The following ZNF800 variants were observed in gnomAD, a reference collection of about 807,000 sequenced individuals.
ZNF800 encodes zinc finger protein 800.
ZNF800 carries 13 observed loss-of-function variants against 59.5 expected under a neutral mutation model. That is an observed-to-expected ratio of 0.22 (90% confidence interval 0.14 to 0.35). The LOEUF is 0.35. Among genes scored for constraint, ZNF800 ranks in the 10% least tolerant of loss-of-function variants. ZNF800 has a pLI of 1.00. For missense variants in ZNF800, 621 were observed against 783.7 expected (o/e 0.79, Z 2.48); for synonymous variants, 266 against 265.7 (o/e 1.00, Z -0.01).
rs1318575722 is a variant in ZNF800 at position 127,392,395 on chromosome 7, G to A, written c.-394C>T. 3 of 380,306 alleles carry A rather than the reference G, an allele frequency of 7.9e-6. No individual in the cohort carries two copies. The East Asian group carries it at 1.1e-4, about 14-fold the overall frequency. 23.6% of individuals were successfully genotyped at this position (380,306 alleles called of 1,614,324 possible). A position where few individuals can be genotyped will look rare whatever the true frequency, so the allele number is the denominator to read the frequency against. ...GGCAGCAGCTGCCGCCGCCACCACC[G>A]AAGGAGCCGGAACCGGAGCGGGCAG... On this transcript the variant is annotated 5_prime_UTR_variant, in exon 1 of 6. Coordinates refer to ENST00000265827, the MANE Select transcript of ZNF800 (RefSeq NM_176814.5).
chr7:127,351,188 C>G (rs948567086), intron 1 of ZNF800, among the ~76,000 whole-genome samples: 54 of 152,326 alleles, frequency 3.5e-4, no homozygotes, highest in African/African-American at 1.2e-3. Flanking sequence ...ATTCTGCACT[C>G]CCCTTACACT....
intron 1 of ZNF800, among the ~76,000 whole-genome samples, chr7:127,353,598 TA>T (rs1800212256): frequency 6.6e-6 from 1 of 152,178 alleles, no homozygotes; most frequent in Non-Finnish European, 1.5e-5. Context: ...AAGTAAATAA[TA>T]CATTGAGAAG....
Position 127,374,083 on chromosome 7 carries a change from G to C in ZNF800, c.1253C>G (p.Ser418Cys). ...VKVEPADSVE[S>C]SPPSITHSPQ... ...AGAATGGGTAATGGAAGGGGGTGAAGATTCTACAGAATCTGCTGGTTCAAC... is the reference window on the plus strand; with the variant it reads ...AGAATGGGTAATGGAAGGGGGTGAACATTCTACAGAATCTGCTGGTTCAAC... The change falls in exon 5 of 6, where the codon TCT becomes TGT. Residue 418 changes from serine to cysteine, a missense_variant. By Grantham distance (112) the Ser-to-Cys change is moderately radical (BLOSUM62 -1). Coordinates refer to ENST00000265827, the MANE Select transcript of ZNF800 (RefSeq NM_176814.5). The C allele has an allele frequency of 1.2e-6, 2 of 1,614,090 alleles. No homozygotes were observed. The highest frequency in any genetic ancestry group is 1.7e-6 in the Non-Finnish European group (2 of 1,180,012).
intron 2 of ZNF800, among the ~76,000 whole-genome samples, chr7:127,391,294 T>C (rs1801304393): frequency 6.6e-6 from 1 of 152,214 alleles, no homozygotes; most frequent in Non-Finnish European, 1.5e-5. Flanking sequence ...AAGGTGACAC[T>C]TGCAGTACTT....
At chr7:127,357,826 T>TTATA (rs1800304718) in intron 1 of ZNF800, among the ~76,000 whole-genome samples, 1 of 151,892 alleles carries the variant, frequency 6.6e-6, no homozygotes, top group Non-Finnish European at 1.5e-5. Flanking sequence ...ATTACATATT[T>TTATA]TATATGGGGG....
intron 1 of ZNF800, among the ~76,000 whole-genome samples, chr7:127,357,023 A>G (rs1800285274): frequency 6.6e-6 from 1 of 152,024 alleles, no homozygotes; most frequent in Non-Finnish European, 1.5e-5. Context: ...TGGTATACAG[A>G]CCTATGCTTT....
intron 3 of ZNF800, among the ~76,000 whole-genome samples, chr7:127,382,046 T>C (rs1800991350): frequency 6.6e-6 from 1 of 152,294 alleles, no homozygotes; most frequent in Admixed American, 6.5e-5. Flanking sequence ...TACAATTTAT[T>C]CCTCCCTAAG....
At chr7:127,389,127 G>A (rs186672927) in intron 2 of ZNF800, among the ~76,000 whole-genome samples, 8 of 152,174 alleles carry the variant, frequency 5.3e-5, no homozygotes, top group Admixed American at 3.9e-4. Flanking sequence ...TATTTATGAC[G>A]TATGGGACTT....
At chr7:127,373,058 TACA>T (rs1800676137) in intron 5 of ZNF800, 2 of 985,284 alleles carry the variant, frequency 2.0e-6, no homozygotes, top group Non-Finnish European at 2.4e-6. Flanking sequence ...GTATATATTT[TACA>T]ACATTAAAAG....
In ZNF800 at chr7:127,370,390, A is replaced by T. The variant is rs188131630; in HGVS notation, c.*1424T>A. 3.3e-5 allele frequency: 5 copies of T among 152,708 alleles called. No homozygotes were observed. The highest frequency in any genetic ancestry group is 2.6e-4 in the Admixed American group (4 of 15,278). The allele number at this position is 152,708 out of a possible 1,614,324, so 9.5% of individuals were successfully genotyped here. A position where few individuals can be genotyped will look rare whatever the true frequency, so the allele number is the denominator to read the frequency against. ...TTCGATTCTGGTTTATTTCCATCAC[A>T]TATAGTACATTTTTCCAACAAGAGC... is the stretch of plus-strand genomic sequence containing the variant. On this transcript the variant is annotated 3_prime_UTR_variant, in exon 6 of 6. Transcript: ENST00000265827.
Position 127,374,176 on chromosome 7 carries a change from G to GA in ZNF800, c.1159dup (p.Ser387PhefsTer6), listed in dbSNP as rs1289590016. ...TTTTTCTCTTTTAGAGTTTGTTCCA[G>GA]AAAGAGTTATCTTGTGGACAATTTG... On this transcript the variant is annotated frameshift_variant, in exon 5 of 6. Coordinates refer to ENST00000265827, the MANE Select transcript of ZNF800 (RefSeq NM_176814.5). LOFTEE classifies it high-confidence loss of function. 1 of 1,613,782 alleles carries GA rather than the reference G, an allele frequency of 6.2e-7. No individual in the cohort carries two copies. The highest frequency in any genetic ancestry group is 8.5e-7 in the Non-Finnish European group (1 of 1,179,968).
At chr7:127,386,275 C>T (rs535427630) in intron 2 of ZNF800, 120 bp from the exon 3 acceptor site, 30 of 564,444 alleles carry the variant, frequency 5.3e-5, no homozygotes, top group South Asian at 1.2e-4. Flanking sequence ...CACTTGTGCC[C>T]GCACACACAC....
At chr7:127,346,222 A>C (rs6959255), downstream of ZNF800, among the ~76,000 whole-genome samples, 1,941 of 152,298 alleles carry the variant, frequency 0.013, 39 homozygotes, top group African/African-American at 0.043. Flanking sequence ...ATGTGAAGTA[A>C]ACAGGGAGGA....
rs758608925 is a variant in ZNF800 at position 127,373,590 on chromosome 7, T to C, written c.1746A>G (p.Ala582=). The C allele has an allele frequency of 6.2e-7, 1 of 1,614,166 alleles. No individual in the cohort carries two copies. Among genetic ancestry groups the C allele is most frequent in the Non-Finnish European group, 8.5e-7 (1 of 1,180,016 alleles). The part of the protein sequence containing the change: ...VAKRGPSRDE[A]KHSDSKHDGT... ...CATCATGTTTTGAATCACTATGTTT[T>C]GCTTCATCCCTCGAAGGGCCTCTTT... Residue 582 remains alanine, a synonymous_variant, in exon 5 of 6, where the codon GCA becomes GCG. Coordinates refer to ENST00000265827, the MANE Select transcript of ZNF800 (RefSeq NM_176814.5).
rs577977623 is a variant in ZNF800, at chr7:127,384,227, C to CTTTTTTTTTT, written c.157+1823_157+1832dup. ...CTTATGACTTAACTAATTCTAACTT[C>CTTTTTTTTTT]TTTTTTTTTTTTTTTTTTTTTTTTT... On this transcript the variant is annotated intron_variant, in intron 3 of 5. Coordinates refer to ENST00000265827, the MANE Select transcript of ZNF800 (RefSeq NM_176814.5). Among the ~76,000 whole-genome samples the CTTTTTTTTTT allele has an allele frequency of 6.5e-4, 41 of 63,376 alleles. 7 individuals are homozygous for CTTTTTTTTTT. The highest frequency in any genetic ancestry group is 8.9e-3 in the Middle Eastern group (1 of 112). 41.6% of individuals were successfully genotyped at this position (63,376 alleles called of 152,430 possible).
rs1041287493 is a variant in ZNF800 at position 127,376,207 on chromosome 7, T to C, written c.301+979A>G. 4.6e-5 allele frequency among the ~76,000 whole-genome samples: 7 copies of C among 152,092 alleles called. No homozygotes were observed. The East Asian group carries it at 1.2e-3, about 25-fold the overall frequency. On this transcript the variant is annotated intron_variant, in intron 4 of 5. Transcript: ENST00000265827. ...TTTGTATTTAATCAATGCTGTATAATATAACTTTAAGCCAGCTTCATTATA... is the reference window on the plus strand; with the variant it reads ...TTTGTATTTAATCAATGCTGTATAACATAACTTTAAGCCAGCTTCATTATA...
At chr7:127,358,122 T>C (rs1011696125) in intron 1 of ZNF800, among the ~76,000 whole-genome samples, 4 of 151,982 alleles carry the variant, frequency 2.6e-5, no homozygotes, top group Non-Finnish European at 5.9e-5. Context: ...GCATCTCCAA[T>C]TAGATATCCC....
intron 3 of ZNF800, among the ~76,000 whole-genome samples, 185 bp downstream of exon 3, chr7:127,385,872 TGAA>T (rs1217269164): frequency 2.0e-5 from 3 of 152,114 alleles, no homozygotes; most frequent in Non-Finnish European, 4.4e-5. Flanking sequence ...TATATAGTAC[TGAA>T]GAATAATCTC....
Position 127,374,305 on chromosome 7 carries a change from C to T in ZNF800, c.1031G>A (p.Arg344Gln), listed in dbSNP as rs185919121. Residue 344 changes from arginine to glutamine, a missense_variant, in exon 5 of 6, where the codon CGA becomes CAA. This residue lies in a region of ZNF800 where 185 missense variants were observed against 177.6 expected (regional missense o/e 1.04). Transcript: ENST00000265827. ...SISPKKSFKTRKQKSSSKAEY... is the reference protein window; with the variant it reads ...SISPKKSFKTQKQKSSSKAEY... ...AGCCTTTGAAGAAGACTTTTGTTTT[C>T]GAGTCTTAAAAGATTTTTTAGGAGA... 1.9e-6 allele frequency: 3 copies of T among 1,612,896 alleles called. No homozygotes were observed. The highest frequency in any genetic ancestry group is 2.7e-5 in the African/African-American group (2 of 74,778).
Sources: allele counts gnomAD v4.1 joint callset (sites outside exome capture counted in the v4.1 genomes callset), GRCh38; gene constraint gnomAD v4.1.1; regional missense constraint gnomAD v4.1.1; transcripts MANE v1.5; gene names NCBI Gene and HGNC (gene_info 2026-07-23, HGNC 2026-07-21).